SORCS3: variants seen among roughly 807,000 people sequenced by gnomAD.
SORCS3 encodes sortilin related VPS10 domain containing receptor 3.
Under a neutral mutation model 146.3 loss-of-function variants are expected in SORCS3, and 57 were observed. The observed-to-expected ratio is 0.39, with a 90% CI of 0.31 to 0.49. The LOEUF (loss-of-function observed/expected upper bound fraction) is 0.49, where lower values mean the gene tolerates loss of function less well. SORCS3 is among the 20% of genes least tolerant of loss of function. The pLI, the probability that SORCS3 is intolerant of heterozygous loss-of-function variation, is 0.92. For missense variants in SORCS3, 1,341 were observed against 1,575.5 expected (o/e 0.85, Z 2.52); for synonymous variants, 653 against 618.5 (o/e 1.06, Z -0.83).
At chr10:105,166,476 A>G (rs1023256162) in intron 12 of SORCS3, among the ~76,000 whole-genome samples, 1 of 152,206 alleles carries the variant, frequency 6.6e-6, no homozygotes, top group Non-Finnish European at 1.5e-5. Flanking sequence ...TGGTATAAGC[A>G]TTGATATATG....
intron 2 of SORCS3, among the ~76,000 whole-genome samples, chr10:104,859,700 A>G (rs892735546): frequency 1.3e-5 from 2 of 152,218 alleles, no homozygotes; most frequent in African/African-American, 4.8e-5. Flanking sequence ...AGAATCTACA[A>G]TGAACTCAAA....
chr10:104,721,921 A>C (rs2016554945), intron 1 of SORCS3, among the ~76,000 whole-genome samples: 2 of 152,216 alleles, frequency 1.3e-5, no homozygotes, highest in South Asian at 4.1e-4. Context: ...TGTCATCTGC[A>C]AACAGGAACA....
chr10:104,880,924 G>A (rs1329421572), intron 2 of SORCS3, among the ~76,000 whole-genome samples: 2 of 152,162 alleles, frequency 1.3e-5, no homozygotes, highest in African/African-American at 4.8e-5. Flanking sequence ...ATCCAGGGGA[G>A]AAAGACACTA....
intron 2 of SORCS3, among the ~76,000 whole-genome samples, chr10:104,850,957 T>C (rs1214759982): frequency 1.3e-5 from 2 of 152,268 alleles, no homozygotes; most frequent in Non-Finnish European, 2.9e-5. Flanking sequence ...GCTAACTTGC[T>C]GTTCACTGAT....
At chr10:104,910,138 G>A (rs889551627) in intron 2 of SORCS3, among the ~76,000 whole-genome samples, 3 of 152,202 alleles carry the variant, frequency 2.0e-5, no homozygotes, top group African/African-American at 7.2e-5. Flanking sequence ...AGGATGTCCA[G>A]TCTGCCAGTC....
chr10:104,838,632 G>A (rs953930147), intron 1 of SORCS3, among the ~76,000 whole-genome samples: 1 of 152,120 alleles, frequency 6.6e-6, no homozygotes, highest in Non-Finnish European at 1.5e-5. Flanking sequence ...CCTCATACGT[G>A]TCCCACTCCC....
rs1008576510 is a variant in SORCS3, at chr10:105,192,472, C to T, written c.2010-7527C>T. On this transcript the variant is annotated intron_variant, in intron 14 of 26. Transcript: ENST00000369701. ...AAACTCAGGAAGGGGCTGGCAGAGT[C>T]GGCTTCACCCTGCTCTGTTTCTGAA... 3.3e-5 allele frequency among the ~76,000 whole-genome samples: 5 copies of T among 152,064 alleles called. No individual in the cohort carries two copies. The East Asian group carries it at 5.8e-4, about 18-fold the overall frequency.
intron 5 of SORCS3, among the ~76,000 whole-genome samples, chr10:105,051,568 C>T (rs1402211517): frequency 6.6e-6 from 1 of 152,068 alleles, no homozygotes; most frequent in Non-Finnish European, 1.5e-5. Flanking sequence ...CATGACAGAG[C>T]CAGAGTTAAG....
At chr10:105,226,537 C>A (rs1285492293) in intron 20 of SORCS3, among the ~76,000 whole-genome samples, 1 of 151,730 alleles carries the variant, frequency 6.6e-6, no homozygotes, top group Non-Finnish European at 1.5e-5. Context: ...TGAGTTCTTG[C>A]CTGGTTTGAG....
chr10:105,079,338 C>T (rs113758842), intron 5 of SORCS3, among the ~76,000 whole-genome samples: 250 of 152,194 alleles, frequency 1.6e-3, no homozygotes, highest in Non-Finnish European at 2.5e-3. Flanking sequence ...ATATTCAGCC[C>T]GGGTCATGAG....
rs147118428 is a variant in SORCS3 at position 104,843,161 on chromosome 10, G to A, written c.695+302G>A. Among the ~76,000 whole-genome samples, 456 of 152,266 alleles carry A rather than the reference G, an allele frequency of 3.0e-3. 2 individuals are homozygous for A. Among genetic ancestry groups the A allele is most frequent in the South Asian group, 0.019 (93 of 4,828 alleles). ...CTAGAGAGATCAGATAAACATGCAC[G>A]AGTAGAGGTTCTTGATTAGGAAGCC... is the stretch of plus-strand genomic sequence containing the variant. On this transcript the variant is annotated intron_variant, in intron 2 of 26. Coordinates refer to ENST00000369701, the MANE Select transcript of SORCS3 (RefSeq NM_014978.3).
At chr10:105,182,687 G>T (rs563818120) in intron 14 of SORCS3, among the ~76,000 whole-genome samples, 1 of 152,130 alleles carries the variant, frequency 6.6e-6, no homozygotes, top group East Asian at 1.9e-4. Context: ...GTGTTTTGTT[G>T]TTGTTGTTGA....
At chr10:104,657,463 C>T (rs542847150) in intron 1 of SORCS3, among the ~76,000 whole-genome samples, 2 of 152,258 alleles carry the variant, frequency 1.3e-5, no homozygotes, top group South Asian at 2.1e-4. Context: ...ACCTGTATTT[C>T]GAGATCATTA....
intron 11 of SORCS3, among the ~76,000 whole-genome samples, chr10:105,162,890 T>C (rs2056277712): frequency 6.6e-6 from 1 of 152,134 alleles, no homozygotes; most frequent in Non-Finnish European, 1.5e-5. Flanking sequence ...ACCACCACAT[T>C]CTATTCTGTC....
chr10:104,858,121 A>G (rs981183842), intron 2 of SORCS3, among the ~76,000 whole-genome samples: 14 of 152,194 alleles, frequency 9.2e-5, no homozygotes, highest in Admixed American at 2.6e-4. Context: ...CTCTTTTGTG[A>G]ATATTTAAAT....
chr10:104,957,802 G>T (rs913488688), intron 3 of SORCS3, among the ~76,000 whole-genome samples: 12 of 152,034 alleles, frequency 7.9e-5, no homozygotes, highest in African/African-American at 2.7e-4. Flanking sequence ...TGGGATGATG[G>T]ATCATTACAG....
chr10:104,680,205 C>T (rs2015954717), intron 1 of SORCS3, among the ~76,000 whole-genome samples: 1 of 152,190 alleles, frequency 6.6e-6, no homozygotes, highest in African/African-American at 2.4e-5. Context: ...CCAAGGAGCT[C>T]ACTGTTGAGT....
At chr10:105,146,249 T>A (rs568176316) in intron 8 of SORCS3, among the ~76,000 whole-genome samples, 1 of 152,236 alleles carries the variant, frequency 6.6e-6, no homozygotes, top group Non-Finnish European at 1.5e-5. Flanking sequence ...TTTGTGATAA[T>A]CTTTGTACAG....
intron 1 of SORCS3, among the ~76,000 whole-genome samples, chr10:104,712,627 G>A (rs1288753030): frequency 1.3e-5 from 2 of 152,188 alleles, no homozygotes; most frequent in African/African-American, 4.8e-5. Flanking sequence ...GGGCCAGTAT[G>A]TCTAGGGAAG....
Sources: gnomAD v4.1 joint callset for allele counts (sites outside exome capture counted in the v4.1 genomes callset) on GRCh38, gnomAD v4.1.1 for gene constraint, MANE v1.5 for transcripts, NCBI Gene and HGNC (gene_info 2026-07-23, HGNC 2026-07-21) for gene names.